Variants in SNX29 observed in about 807,000 individuals in gnomAD.
SNX29 encodes sorting nexin 29.
In SNX29, 78 loss-of-function variants were observed where a neutral mutation model predicts 102.1. The observed-to-expected ratio is 0.76, with a 90% CI of 0.64 to 0.92. The LOEUF is 0.92. Among genes scored for constraint, SNX29 ranks in the 40% least tolerant of loss-of-function variants. The probability of loss-of-function intolerance (pLI) is 0.00; values close to 1 mark genes in which losing one functional copy is unlikely to be tolerated. For synonymous variants in SNX29, 580 were observed against 414.5 expected, an observed-to-expected ratio of 1.40 and a Z score of -4.85; for missense variants, 1,280 against 1,061.7, an observed-to-expected ratio of 1.21 and a Z score of -2.86.
intron 20 of SNX29, among the ~76,000 whole-genome samples, chr16:12,566,428 TCC>T (rs55635959): frequency 0.85 from 129,077 of 152,030 alleles, 55,084 homozygotes; most frequent in African/African-American, 0.92. Context: ...CCAGGGCCTC[TCC>T]CCCCAAGCTC....
intron 11 of SNX29, among the ~76,000 whole-genome samples, chr16:12,085,616 C>T (rs575039858): frequency 2.2e-4 from 33 of 152,224 alleles, no homozygotes; most frequent in Admixed American, 9.8e-4. Context: ...CGTGAGCCAC[C>T]GTGCCCAGCC....
chr16:11,995,646 T>TG (rs2056039931), intron 1 of SNX29, among the ~76,000 whole-genome samples: 1 of 125,166 alleles, frequency 8.0e-6, no homozygotes, highest in Non-Finnish European at 1.7e-5. Flanking sequence ...AAAATACTCT[T>TG]AAAAAAAAAA....
chr16:12,103,403 A>G (rs749955491), intron 11 of SNX29, among the ~76,000 whole-genome samples: 1 of 151,338 alleles, frequency 6.6e-6, no homozygotes, highest in Non-Finnish European at 1.5e-5. Context: ...TAATGCCACA[A>G]ATGATCTTTG....
chr16:12,453,141 G>A (rs76579579), intron 18 of SNX29, among the ~76,000 whole-genome samples: 11 of 152,258 alleles, frequency 7.2e-5, no homozygotes, highest in Non-Finnish European at 1.2e-4. Flanking sequence ...TTCCACAGAC[G>A]AACCAACTGC....
intron 20 of SNX29, among the ~76,000 whole-genome samples, chr16:12,561,481 C>G (rs970067724): frequency 1.3e-5 from 2 of 152,118 alleles, no homozygotes; most frequent in African/African-American, 2.4e-5. Context: ...GGAGTATTGA[C>G]CGGCTCGCCA....
In SNX29 at chr16:12,178,224, G is replaced by C. The variant is rs548066618; in HGVS notation, c.1596-21377G>C. The stretch of plus-strand genomic sequence containing the variant: ...TGAGCATCTCGTGGTTACAGGGACC[G>C]GGGCATGGGCTGATGGGTTCCTCTG... On this transcript the variant is annotated intron_variant, in intron 13 of 20. Coordinates refer to ENST00000566228, the MANE Select transcript of SNX29 (RefSeq NM_032167.5). Among the ~76,000 whole-genome samples, 7 of 152,226 alleles carry C rather than the reference G, an allele frequency of 4.6e-5. No homozygotes were observed. In the East Asian group the frequency reaches 1.4e-3, roughly 29 times the overall value.
At chr16:12,157,217 T>C (rs1385772287) in intron 13 of SNX29, among the ~76,000 whole-genome samples, 2 of 152,120 alleles carry the variant, frequency 1.3e-5, no homozygotes, top group Non-Finnish European at 2.9e-5. Flanking sequence ...CTGATGGTTG[T>C]CCCCTCAAGG....
chr16:12,019,067 A>G (rs2056936989), intron 3 of SNX29, among the ~76,000 whole-genome samples: 1 of 152,152 alleles, frequency 6.6e-6, no homozygotes, highest in South Asian at 2.1e-4. Context: ...CATAACCTTT[A>G]AACCATATTT....
intron 20 of SNX29, among the ~76,000 whole-genome samples, chr16:12,549,888 G>C (rs2077858340): frequency 6.6e-6 from 1 of 152,268 alleles, no homozygotes; most frequent in African/African-American, 2.4e-5. Flanking sequence ...GACTAGAACA[G>C]AGATCAGAAA....
At chr16:12,567,397 T>C (rs1430481076) in intron 20 of SNX29, among the ~76,000 whole-genome samples, 1 of 152,238 alleles carries the variant, frequency 6.6e-6, no homozygotes, top group Non-Finnish European at 1.5e-5. Context: ...GGTATTTACT[T>C]CCTATTCAAA....
At chr16:12,533,773 G>T (rs977248144) in intron 20 of SNX29, among the ~76,000 whole-genome samples, 4 of 152,276 alleles carry the variant, frequency 2.6e-5, no homozygotes, top group African/African-American at 9.6e-5. Flanking sequence ...TGTCAGCAGG[G>T]AGTGGTGTGG....
At chr16:12,104,644 C>T (rs1487630690) in intron 11 of SNX29, among the ~76,000 whole-genome samples, 1 of 151,790 alleles carries the variant, frequency 6.6e-6, no homozygotes, top group African/African-American at 2.4e-5. Context: ...CTCCAGATCT[C>T]CAGGATCATT....
intron 20 of SNX29, among the ~76,000 whole-genome samples, chr16:12,565,635 G>A (rs889241650): frequency 6.6e-6 from 1 of 152,270 alleles, no homozygotes; most frequent in Admixed American, 6.5e-5. Flanking sequence ...ACAGACATGT[G>A]ACACATATAG....
rs527290093 is a variant in SNX29, at chr16:12,382,116, A to G, written c.1900-16330A>G. ...ACCCGGGTTCCACATCAAGGGAGGC[A>G]GCAACCCTATTTGACCCCTACCTCT... On this transcript the variant is annotated intron_variant, in intron 16 of 20. Transcript: ENST00000566228. 4.6e-5 allele frequency among the ~76,000 whole-genome samples: 7 copies of G among 152,256 alleles called. No homozygotes were observed. The East Asian group carries it at 1.4e-3, about 30-fold the overall frequency.
At position 12,572,897 on chromosome 16, in the gene SNX29, C is replaced by G; in HGVS notation, c.*4268C>G. 1.9e-6 allele frequency: 2 copies of G among 1,035,508 alleles called. No homozygotes were observed. Among genetic ancestry groups the G allele is most frequent in the East Asian group, 5.1e-5 (1 of 19,730 alleles). 64.1% of individuals were successfully genotyped at this position (1,035,508 alleles called of 1,614,324 possible). A position where few individuals can be genotyped will look rare whatever the true frequency, so the allele number is the denominator to read the frequency against. On this transcript the variant is annotated 3_prime_UTR_variant, in exon 21 of 21. Transcript: ENST00000566228. ...GTCTTGACTCTGCCTTGGCATTTCG[C>G]TCGGAATCACGGCAGACTTGGAGTG...
intron 14 of SNX29, among the ~76,000 whole-genome samples, chr16:12,239,567 C>G (rs1357256741): frequency 2.0e-5 from 3 of 149,104 alleles, no homozygotes; most frequent in Non-Finnish European, 3.0e-5. Flanking sequence ...GTGGCTCACT[C>G]CTGTAATCCC....
intron 18 of SNX29, among the ~76,000 whole-genome samples, chr16:12,467,431 G>T (rs1396358717): frequency 1.3e-5 from 2 of 152,130 alleles, no homozygotes; most frequent in African/African-American, 4.8e-5. Context: ...GCAGCCCCCG[G>T]TTATTGTATT....
At chr16:12,558,829 C>G (rs567328443) in intron 20 of SNX29, among the ~76,000 whole-genome samples, 1 of 152,324 alleles carries the variant, frequency 6.6e-6, no homozygotes, top group Admixed American at 6.5e-5. Context: ...GGCAGGGCCA[C>G]AGTCACCAAG....
chr16:12,214,324 C>T lies in SNX29; in HGVS notation c.1678+14641C>T, dbSNP rs146365230. 4.6e-4 allele frequency among the ~76,000 whole-genome samples: 70 copies of T among 152,306 alleles called. 1 individual carries two copies. The Middle Eastern group carries it at 0.024, about 52-fold the overall frequency. ...AGGCCAGACGTATATTTATTGTTGT[C>T]GTCATTAACTTTTTGGGGCTGTCTC... On this transcript the variant is annotated intron_variant, in intron 14 of 20. Transcript: ENST00000566228.
Sources: allele counts gnomAD v4.1 joint callset (sites outside exome capture counted in the v4.1 genomes callset), GRCh38; gene constraint gnomAD v4.1.1; transcripts MANE v1.5; gene names NCBI Gene and HGNC (gene_info 2026-07-23, HGNC 2026-07-21).